The following KCTD8 variants were observed in gnomAD, a reference collection of about 807,000 sequenced individuals.
The protein encoded by KCTD8 is BTB/POZ domain-containing protein KCTD8.
In KCTD8, 27 loss-of-function variants were observed where a neutral mutation model predicts 31.5. The ratio of observed to expected loss-of-function variants is 0.86; its 90% CI spans 0.63 to 1.18. KCTD8 has a LOEUF of 1.18. Ranked by LOEUF, KCTD8 falls within the 50% of genes most tolerant of loss-of-function variation. The pLI, the probability that KCTD8 is intolerant of heterozygous loss-of-function variation, is 0.00. For synonymous variants in KCTD8, 290 were observed against 280.0 expected, an observed-to-expected ratio of 1.04 and a Z score of -0.36; for missense variants, 658 against 647.7, an observed-to-expected ratio of 1.02 and a Z score of -0.17.
intron 1 of KCTD8, among the ~76,000 whole-genome samples, chr4:44,269,983 T>G (rs922982602): frequency 6.6e-5 from 10 of 152,018 alleles, no homozygotes; most frequent in Non-Finnish European, 1.3e-4. Flanking sequence ...GTCAGTGTGG[T>G]GATTCCTCAG....
At chr4:44,358,369 G>A (rs925545466) in intron 1 of KCTD8, among the ~76,000 whole-genome samples, 7 of 152,038 alleles carry the variant, frequency 4.6e-5, no homozygotes, top group East Asian at 1.9e-4. Flanking sequence ...ATGTGCATGC[G>A]TCTTTATAGT....
chr4:44,231,406 T>C (rs1715114271), intron 1 of KCTD8, among the ~76,000 whole-genome samples: 1 of 152,230 alleles, frequency 6.6e-6, no homozygotes, highest in South Asian at 2.1e-4. Flanking sequence ...GGGATTTATC[T>C]ATAATAAAAC....
chr4:44,374,809 C>T (rs1719878276), intron 1 of KCTD8, among the ~76,000 whole-genome samples: 1 of 152,020 alleles, frequency 6.6e-6, no homozygotes, highest in Non-Finnish European at 1.5e-5. Context: ...AAAACAATTA[C>T]AGGAGTAACA....
At chr4:44,280,074 C>T (rs1716862029) in intron 1 of KCTD8, among the ~76,000 whole-genome samples, 1 of 151,930 alleles carries the variant, frequency 6.6e-6, no homozygotes, top group South Asian at 2.1e-4. Context: ...TTGGAGAAGA[C>T]ACTATGAAAT....
In KCTD8 at chr4:44,267,014, G is replaced by C. The variant is rs1443155515; in HGVS notation, c.962-91764C>G. ...ACAAAAAGTTAACAAGGATACCCAG[G>C]AATTGAACTCAGCTCTGCACCAAGC... is the stretch of plus-strand genomic sequence containing the variant. On this transcript the variant is annotated intron_variant, in intron 1 of 1. Coordinates refer to ENST00000360029, the MANE Select transcript of KCTD8 (RefSeq NM_198353.3). 1.4e-4 allele frequency among the ~76,000 whole-genome samples: 22 copies of C among 152,186 alleles called. No individual in the cohort carries two copies. In the East Asian group the frequency reaches 2.3e-3, roughly 16 times the overall value.
chr4:44,435,782 C>A (rs1721629323), intron 1 of KCTD8, among the ~76,000 whole-genome samples: 1 of 152,040 alleles, frequency 6.6e-6, no homozygotes, highest in African/African-American at 2.4e-5. Flanking sequence ...CTGCTGTATA[C>A]TAGCATGAGG....
At chr4:44,232,050 A>G (rs1715133096) in intron 1 of KCTD8, among the ~76,000 whole-genome samples, 1 of 152,188 alleles carries the variant, frequency 6.6e-6, no homozygotes, top group African/African-American at 2.4e-5. Flanking sequence ...ATTTGGGCAG[A>G]AGGGATGTTT....
rs371157302 is a variant in KCTD8, at chr4:44,187,729, A to G, written c.962-12479T>C. On this transcript the variant is annotated intron_variant, in intron 1 of 1. Transcript: ENST00000360029. ...AAGGTGCTTGGCAAGGATTAATGAG[A>G]TGTTGTCTCTACAACATGTCTGGTG... 2.6e-5 allele frequency among the ~76,000 whole-genome samples: 4 copies of G among 152,268 alleles called. No individual in the cohort carries two copies. The East Asian group carries it at 7.7e-4, about 29-fold the overall frequency.
intron 1 of KCTD8, among the ~76,000 whole-genome samples, chr4:44,401,014 T>TC (rs958090584): frequency 2.5e-5 from 3 of 121,798 alleles, no homozygotes; most frequent in African/African-American, 5.7e-5. Context: ...TTTCTTTCTT[T>TC]TTTTTTTTTT....
intron 1 of KCTD8, among the ~76,000 whole-genome samples, chr4:44,336,149 C>CAAA (rs58161667): frequency 3.0e-4 from 14 of 46,522 alleles, no homozygotes; most frequent in African/African-American, 4.9e-4. Flanking sequence ...GACTCCGTCT[C>CAAA]AAAAAAAAAA....
At chr4:44,338,988 C>T (rs1718825718) in intron 1 of KCTD8, among the ~76,000 whole-genome samples, 1 of 152,112 alleles carries the variant, frequency 6.6e-6, no homozygotes, top group Non-Finnish European at 1.5e-5. Flanking sequence ...GACTTTCTCT[C>T]CCAAATGGAA....
At chr4:44,318,594 T>C (rs1718206569) in intron 1 of KCTD8, among the ~76,000 whole-genome samples, 1 of 152,156 alleles carries the variant, frequency 6.6e-6, no homozygotes, top group Admixed American at 6.5e-5. Context: ...AACAAGGATG[T>C]CATTGGATAC....
intron 1 of KCTD8, among the ~76,000 whole-genome samples, chr4:44,312,999 G>A (rs1283867564): frequency 1.3e-5 from 2 of 152,054 alleles, no homozygotes; most frequent in African/African-American, 4.8e-5. Context: ...AACTCATACT[G>A]TTTCCCCCCA....
At chr4:44,300,999 G>A (rs1173429142) in intron 1 of KCTD8, among the ~76,000 whole-genome samples, 1 of 151,154 alleles carries the variant, frequency 6.6e-6, no homozygotes, top group Non-Finnish European at 1.5e-5. Context: ...AGTTTACTGA[G>A]AATGATGATT....
chr4:44,287,243 C>G (rs978091302), intron 1 of KCTD8, among the ~76,000 whole-genome samples: 14 of 151,922 alleles, frequency 9.2e-5, no homozygotes, highest in Non-Finnish European at 2.1e-4. Flanking sequence ...AATAGCGAAA[C>G]CTTATCTCAA....
intron 1 of KCTD8, among the ~76,000 whole-genome samples, chr4:44,184,218 T>A (rs992762389): frequency 6.6e-6 from 1 of 152,046 alleles, no homozygotes; most frequent in Non-Finnish European, 1.5e-5. Context: ...GTGATTGGAG[T>A]GAGCTAAGGA....
At chr4:44,400,344 A>C (rs1720614871) in intron 1 of KCTD8, among the ~76,000 whole-genome samples, 1 of 152,174 alleles carries the variant, frequency 6.6e-6, no homozygotes, top group African/African-American at 2.4e-5. Flanking sequence ...TGTCAGGTCA[A>C]AAGTATGATA....
chr4:44,181,687 A>AC (rs1713412147), intron 1 of KCTD8, among the ~76,000 whole-genome samples: 1 of 151,536 alleles, frequency 6.6e-6, no homozygotes, highest in South Asian at 2.1e-4. Context: ...GGAAGTGAGG[A>AC]CCCTCTCTGC....
At chr4:44,269,188 C>T (rs1716494200) in intron 1 of KCTD8, among the ~76,000 whole-genome samples, 2 of 152,262 alleles carry the variant, frequency 1.3e-5, no homozygotes, top group South Asian at 4.1e-4. Context: ...GATACCAAAA[C>T]AGAGATATGA....
Sources: allele counts gnomAD v4.1 joint callset (sites outside exome capture counted in the v4.1 genomes callset), GRCh38; gene constraint gnomAD v4.1.1; transcripts MANE v1.5; gene names NCBI Gene and HGNC (gene_info 2026-07-23, HGNC 2026-07-21).